Variants in CNOT1 observed in about 807,000 individuals in gnomAD.
CNOT1 encodes CCR4-NOT transcription complex subunit 1.
A neutral mutation model predicts 273.8 loss-of-function variants in CNOT1; 15 were observed. That is an observed-to-expected ratio of 0.05 (90% confidence interval 0.04 to 0.08). The LOEUF is 0.08. Among genes scored for constraint, CNOT1 ranks in the 10% least tolerant of loss-of-function variants. The pLI is 1.00. For missense variants in CNOT1, 1,644 were observed against 2,912.2 expected (o/e 0.56, Z 10.02); for synonymous variants, 1,022 against 1,005.5 (o/e 1.02, Z -0.31).
At chr16:58,607,509 C>G (rs905933965) in intron 1 of CNOT1, among the ~76,000 whole-genome samples, 6 of 151,888 alleles carry the variant, frequency 4.0e-5, no homozygotes, top group African/African-American at 1.2e-4. Context: ...AGGCATTCAC[C>G]TGAGGTCAGA....
Position 58,547,346 on chromosome 16 carries a change from G to A in CNOT1, c.3640-50C>T. The A allele has an allele frequency of 1.9e-6, 3 of 1,597,768 alleles. No homozygotes were observed. The highest frequency in any genetic ancestry group is 1.1e-5 in the South Asian group (1 of 88,680). On this transcript the variant is annotated intron_variant, in intron 26 of 48. Coordinates refer to ENST00000317147, the MANE Select transcript of CNOT1 (RefSeq NM_016284.5). This position sits in a 1 kb window ranked among gnomAD's most constrained non-coding sequence, Gnocchi z 4.0. The stretch of plus-strand genomic sequence containing the variant: ...AAGCGGGGAATATACCCCCCAAAAT[G>A]GTATAACAAAACCAAAGAAAAGTAT...
Position 58,581,440 on chromosome 16 carries a change from G to A in CNOT1, c.1120C>T (p.Leu374Phe). The change falls in exon 11 of 49, where the codon CTT becomes TTT. Residue 374 changes from leucine to phenylalanine, a missense_variant. This residue lies in a region of CNOT1 where 706 missense variants were observed against 1,021.2 expected (regional missense o/e 0.69). Transcript: ENST00000317147. Reference protein sequence around the residue: ...PGFQIRDSKGLHNVVYGIQRG... With the variant: ...PGFQIRDSKGFHNVVYGIQRG... ...TGAATGCCATAAACCACATTATGAAGTCCTTTACTGTCACGAATTTGAAAT... is the reference window on the plus strand; with the variant it reads ...TGAATGCCATAAACCACATTATGAAATCCTTTACTGTCACGAATTTGAAAT... 6.2e-7 allele frequency: 1 copy of A among 1,614,012 alleles called. No individual in the cohort carries two copies. The highest frequency in any genetic ancestry group is 8.5e-7 in the Non-Finnish European group (1 of 1,179,998).
At chr16:58,550,984 G>A in intron 24 of CNOT1, 148 bp downstream of exon 24, 5 of 1,382,512 alleles carry the variant, frequency 3.6e-6, no homozygotes, top group Non-Finnish European at 4.7e-6. Flanking sequence ...ACTATTTAAT[G>A]TCTACCAAAC....
At chr16:58,596,257 A>AC (rs200692052) in intron 2 of CNOT1, among the ~76,000 whole-genome samples, 1,959 of 131,368 alleles carry the variant, frequency 0.015, 45 homozygotes, top group African/African-American at 0.056. Flanking sequence ...GGAGGGAAGG[A>AC]CCACTTCTGG....
At chr16:58,556,035 T>C (rs2040618308) in intron 19 of CNOT1, 127 bp from the exon 20 acceptor site, 1 of 1,468,352 alleles carries the variant, frequency 6.8e-7, no homozygotes, top group East Asian at 2.3e-5. Flanking sequence ...GGAAAAGGTA[T>C]TAAGCGGTCA....
chr16:58,590,452 G>C (rs1183721692), intron 2 of CNOT1, among the ~76,000 whole-genome samples: 4 of 152,162 alleles, frequency 2.6e-5, no homozygotes, highest in Non-Finnish European at 5.9e-5. Context: ...AAAATAGCTA[G>C]GCATGGTGAT....
chr16:58,577,728 A>C (rs988448726), intron 13 of CNOT1, among the ~76,000 whole-genome samples: 12 of 152,014 alleles, frequency 7.9e-5, no homozygotes, highest in African/African-American at 2.7e-4. Flanking sequence ...GGTCCCATCT[A>C]CTTAGGATGG....
Position 58,555,146 on chromosome 16 carries a change from T to C in CNOT1, c.2891+105A>G, listed in dbSNP as rs2040590496. On this transcript the variant is annotated intron_variant, in intron 21 of 48. Transcript: ENST00000317147. ...TCACTTGAGCCCGCAAGGTCAAGGC[T>C]GCAGTGAGCCGAGATTGCGCCACTG... is the stretch of plus-strand genomic sequence containing the variant. 15 of 1,498,350 alleles carry C rather than the reference T, an allele frequency of 1.0e-5. No individual in the cohort carries two copies. In the South Asian group the frequency reaches 2.0e-4, roughly 20 times the overall value. 92.8% of individuals were successfully genotyped at this position (1,498,350 alleles called of 1,614,324 possible). A position where few individuals can be genotyped will look rare whatever the true frequency, so the allele number is the denominator to read the frequency against.
Position 58,587,373 on chromosome 16 carries a change from T to C in CNOT1, c.350A>G (p.Lys117Arg). ...PAPHLFAQLS[K>R]VLKLSKVQEV... ...TTGTACTTTGCTTAATTTGAGCACT[T>C]TACTCAGCTGGGCAAATAAGTGGGG... Residue 117 changes from lysine to arginine, a missense_variant, in exon 5 of 49, where the codon AAA (lysine) becomes AGA (arginine). By Grantham distance (26) the Lys-to-Arg change is conservative. Around this residue, in one of 13 missense-constraint regions of CNOT1, gnomAD observed 706 missense variants for 1,021.2 expected, o/e 0.69. Transcript: ENST00000317147. The C allele has an allele frequency of 6.2e-7, 1 of 1,613,974 alleles. No homozygotes were observed. The highest frequency in any genetic ancestry group is 8.5e-7 in the Non-Finnish European group (1 of 1,179,986).
intron 1 of CNOT1, among the ~76,000 whole-genome samples, chr16:58,627,551 GC>G (rs1326759434): frequency 6.6e-6 from 1 of 151,048 alleles, no homozygotes; most frequent in African/African-American, 2.4e-5. Context: ...TGTTTTCATA[GC>G]TTTTTTTAAT....
intron 1 of CNOT1, among the ~76,000 whole-genome samples, chr16:58,605,092 C>T (rs952932532): frequency 6.6e-6 from 1 of 151,910 alleles, no homozygotes; most frequent in Non-Finnish European, 1.5e-5. Context: ...GCCGAGATCG[C>T]GCCACTGCAC....
chr16:58,551,472 G>T, intron 23 of CNOT1, 117 bp downstream of exon 23: 1 of 1,285,820 alleles, frequency 7.8e-7, no homozygotes, highest in Non-Finnish European at 1.1e-6. Context: ...AGACATGTCA[G>T]TCTTTTATAT....
At chr16:58,545,762 G>A (rs763535059) in intron 29 of CNOT1, among the ~76,000 whole-genome samples, 3 of 152,164 alleles carry the variant, frequency 2.0e-5, no homozygotes, top group Non-Finnish European at 2.9e-5. Context: ...TCAGGCCCAA[G>A]TCCTATAAAC....
Position 58,555,444 on chromosome 16 carries a change from G to T in CNOT1, c.2698C>A (p.Arg900Ser). ...CMLRNLFEEY[R>S]FFPQYPDKEL... ...TTATCAGGATACTGGGGAAAAAAAC[G>T]ATATTCTTCAAACAAGTTCCTTAGC... Residue 900 changes from arginine to serine, a missense_variant, in exon 21 of 49, where the codon CGT (arginine) becomes AGT (serine). Transcript: ENST00000317147. 6.2e-7 allele frequency: 1 copy of T among 1,614,058 alleles called. No individual in the cohort carries two copies. The highest frequency in any genetic ancestry group is 8.5e-7 in the Non-Finnish European group (1 of 1,180,000).
chr16:58,539,004 C>T, intron 35 of CNOT1, 90 bp from the exon 36 acceptor site: 5 of 1,519,654 alleles, frequency 3.3e-6, no homozygotes, highest in Non-Finnish European at 4.4e-6. Flanking sequence ...ATGCCAAGTA[C>T]CAAATACCTT....
rs1181385490 is a variant in CNOT1 at position 58,521,228 on chromosome 16, T to G, written c.7007A>C (p.Lys2336Thr). 1 of 1,614,174 alleles carries G rather than the reference T, an allele frequency of 6.2e-7. No homozygotes were observed. Residue 2336 changes from lysine to threonine, a missense_variant, in exon 48 of 49, where the codon AAG (lysine) becomes ACG (threonine). Transcript: ENST00000317147. ...FIELIKNPAF[K>T]FWNHEFVHCA... is the part of the protein sequence containing the mutation. ...GTGTACAAATTCATGGTTCCAGAAC[T>G]TAAACGCTGGGTTTTTAATCAGCTC...
At chr16:58,608,675 G>A (rs1217493038) in intron 1 of CNOT1, among the ~76,000 whole-genome samples, 1 of 151,848 alleles carries the variant, frequency 6.6e-6, no homozygotes, top group African/African-American at 2.4e-5. Flanking sequence ...CACGTTTACA[G>A]CAGCACAATT....
chr16:58,557,137 CT>C, intron 18 of CNOT1, 144 bp from the exon 19 acceptor site: 1 of 1,148,664 alleles, frequency 8.7e-7, no homozygotes, highest in Non-Finnish European at 1.2e-6. Context: ...TGTTAATTCC[CT>C]TATTACATCT....
chr16:58,591,832 T>C (rs2042067047), intron 2 of CNOT1, among the ~76,000 whole-genome samples: 1 of 152,034 alleles, frequency 6.6e-6, no homozygotes, highest in South Asian at 2.1e-4. Context: ...TAAGTCTTAA[T>C]CCTCCCTCAT....
Sources: gnomAD v4.1 joint callset for allele counts (sites outside exome capture counted in the v4.1 genomes callset) on GRCh38, gnomAD v4.1.1 for gene constraint, gnomAD v4.1.1 regional missense constraint, Gnocchi (gnomAD v3.1) non-coding constraint, MANE v1.5 for transcripts, NCBI Gene and HGNC (gene_info 2026-07-23, HGNC 2026-07-21) for gene names.